The following LCP2 variants were observed in gnomAD, a reference collection of about 807,000 sequenced individuals.
LCP2 encodes lymphocyte cytosolic protein 2.
Under a neutral mutation model 74.5 loss-of-function variants are expected in LCP2, and 29 were observed. The observed-to-expected ratio is 0.39, with a 90% CI of 0.29 to 0.53. LCP2 has a LOEUF of 0.53. Among genes scored for constraint, LCP2 ranks in the 20% least tolerant of loss-of-function variants. The pLI is 0.72. For missense variants in LCP2, 604 were observed against 634.6 expected (o/e 0.95, Z 0.52); for synonymous variants, 228 against 229.5 (o/e 0.99, Z 0.06).
rs1290713108 is a variant in LCP2, at chr5:170,289,732, CCT to C, written c.142-1718_142-1717del. 6.1e-5 allele frequency among the ~76,000 whole-genome samples: 8 copies of C among 131,456 alleles called. No homozygotes were observed. The East Asian group carries it at 1.8e-3, about 29-fold the overall frequency. The allele number at this position is 131,456 out of a possible 152,430, so 86.2% of individuals were successfully genotyped here. A position where few individuals can be genotyped will look rare whatever the true frequency, so the allele number is the denominator to read the frequency against. On this transcript the variant is annotated intron_variant, in intron 2 of 20. Transcript: ENST00000046794. ...TTCTTTCTTTCCTTTCCTTTCCTTT[CCT>C]GTCTTTTCTTTTCTTTTCTTTCTCT...
intron 1 of LCP2, among the ~76,000 whole-genome samples, chr5:170,295,067 G>C (rs1762350384): frequency 6.6e-6 from 1 of 152,138 alleles, no homozygotes; most frequent in Non-Finnish European, 1.5e-5. Flanking sequence ...AAAGAGGCTG[G>C]TCTAAGGTCA....
At chr5:170,250,612 CAT>C (rs1761413954) in intron 20 of LCP2, 116 bp downstream of exon 20, 2 of 773,364 alleles carry the variant, frequency 2.6e-6, no homozygotes, top group Non-Finnish European at 4.5e-6. Flanking sequence ...GGGCTTCACT[CAT>C]GTGATTTAAT....
chr5:170,268,793 A>G (rs1761824987), intron 7 of LCP2, among the ~76,000 whole-genome samples: 1 of 108,070 alleles, frequency 9.3e-6, no homozygotes, highest in African/African-American at 3.5e-5. Flanking sequence ...CAGAACTGGA[A>G]GGGAGGATTT....
chr5:170,264,225 C>T (rs1761709186), intron 10 of LCP2, among the ~76,000 whole-genome samples: 2 of 152,222 alleles, frequency 1.3e-5, no homozygotes, highest in African/African-American at 4.8e-5. Flanking sequence ...GTTCTTCAGA[C>T]ATACTGAAGA....
At chr5:170,259,937 A>G (rs1761622687) in intron 14 of LCP2, among the ~76,000 whole-genome samples, 1 of 152,216 alleles carries the variant, frequency 6.6e-6, no homozygotes, top group Non-Finnish European at 1.5e-5. Context: ...TTCCAGAGAC[A>G]GGGAACCTGG....
intron 17 of LCP2, among the ~76,000 whole-genome samples, chr5:170,253,912 T>C (rs1352349797): frequency 6.6e-6 from 1 of 152,208 alleles, no homozygotes; most frequent in Non-Finnish European, 1.5e-5. Context: ...TAGGAGAATG[T>C]TTCCTAATCT....
At chr5:170,258,792 A>G in intron 15 of LCP2, 74 bp downstream of exon 15, 1 of 1,094,912 alleles carries the variant, frequency 9.1e-7, no homozygotes, top group Non-Finnish European at 1.4e-6. Flanking sequence ...TGTACTAAAC[A>G]ATTCCACTTG....
chr5:170,261,389 A>G (rs1282234114), intron 13 of LCP2, among the ~76,000 whole-genome samples: 4 of 146,362 alleles, frequency 2.7e-5, no homozygotes, highest in East Asian at 2.0e-4. Context: ...GCAAATAATT[A>G]TGTGTGTGTG....
intron 6 of LCP2, among the ~76,000 whole-genome samples, chr5:170,272,111 AG>A (rs1761906394): frequency 1.3e-5 from 2 of 152,170 alleles, no homozygotes; most frequent in African/African-American, 2.4e-5. Context: ...GGAGGTCCGC[AG>A]GCACGTGGCC....
At chr5:170,288,737 G>A (rs749884325) in intron 2 of LCP2, among the ~76,000 whole-genome samples, 20 of 152,196 alleles carry the variant, frequency 1.3e-4, no homozygotes, top group Admixed American at 8.5e-4. Flanking sequence ...TGTGGGGGAT[G>A]AGCTGGGGCT....
In LCP2 at chr5:170,288,091, C is replaced by T. The variant is rs114293493; in HGVS notation, c.142-75G>A. On this transcript the variant is annotated intron_variant, in intron 2 of 20. Coordinates refer to ENST00000046794, the MANE Select transcript of LCP2 (RefSeq NM_005565.5). The stretch of plus-strand genomic sequence containing the variant: ...TCTGAGCAGGAGGGGAAGAGTGATA[C>T]GTGAAACAATATAGGGAGTGGTGGG... The T allele has an allele frequency of 2.7e-3, 3,902 of 1,455,130 alleles. 85 individuals are homozygous for T. The African/African-American group carries it at 0.047, about 18-fold the overall frequency. 90.1% of individuals were successfully genotyped at this position (1,455,130 alleles called of 1,614,324 possible).
intron 2 of LCP2, among the ~76,000 whole-genome samples, chr5:170,290,990 A>G (rs10700864): frequency 7.7e-4 from 55 of 71,380 alleles, no homozygotes; most frequent in Middle Eastern, 8.2e-3. Context: ...GAAAGAAAGA[A>G]AGAAAGAAAG....
At chr5:170,292,399 T>C (rs1762308549) in intron 2 of LCP2, among the ~76,000 whole-genome samples, 1 of 151,934 alleles carries the variant, frequency 6.6e-6, no homozygotes, top group Non-Finnish European at 1.5e-5. Context: ...CAAGAAGATG[T>C]TGGTAGCAGA....
At chr5:170,293,461 T>C in intron 1 of LCP2, 89 bp from the exon 2 acceptor site, 1 of 1,288,464 alleles carries the variant, frequency 7.8e-7, no homozygotes, top group Non-Finnish European at 1.1e-6. Flanking sequence ...ACTTAGCACT[T>C]TGCGGTACTT....
chr5:170,281,287 C>T (rs895110038), intron 3 of LCP2, among the ~76,000 whole-genome samples: 1 of 149,168 alleles, frequency 6.7e-6, no homozygotes, highest in Non-Finnish European at 1.5e-5. Flanking sequence ...GGCCATATTT[C>T]TTTTTTTTTT....
chr5:170,263,034 T>C lies in LCP2; in HGVS notation c.773-42A>G, dbSNP rs1352501822. 3 of 1,608,522 alleles carry C rather than the reference T, an allele frequency of 1.9e-6. No homozygotes were observed. The African/African-American group carries it at 4.0e-5, about 21-fold the overall frequency. On this transcript the variant is annotated intron_variant, in intron 10 of 20. Transcript: ENST00000046794. The stretch of plus-strand genomic sequence containing the variant: ...GCAGATGGGCCATGAGTTCAGAACT[T>C]CATAAGCATGAGGTTTAAAAACACA...
intron 6 of LCP2, among the ~76,000 whole-genome samples, chr5:170,272,114 C>T (rs1761906478): frequency 6.6e-6 from 1 of 152,194 alleles, no homozygotes; most frequent in South Asian, 2.1e-4. Flanking sequence ...GGTCCGCAGG[C>T]ACGTGGCCTC....
rs77648858 is a variant in LCP2 at position 170,286,609 on chromosome 5, A to G, written c.188+1361T>C. Among the ~76,000 whole-genome samples the G allele has an allele frequency of 8.7e-3, 1,322 of 152,354 alleles. 20 individuals carry two copies. The highest frequency in any genetic ancestry group is 0.031 in the African/African-American group (1,272 of 41,572). ...AAATTTAATTCAAATTGAAGTAGCC[A>G]CATGTGGTTAGAGGATATCCTTAGA... is the stretch of plus-strand genomic sequence containing the variant. On this transcript the variant is annotated intron_variant, in intron 3 of 20. Transcript: ENST00000046794.
intron 13 of LCP2, 75 bp downstream of exon 13, chr5:170,262,560 A>C (rs2113166609): frequency 1.8e-6 from 2 of 1,119,942 alleles, no homozygotes; most frequent in East Asian, 5.0e-5. Context: ...CTCGGTTCCC[A>C]CTGCAGAGTC....
Sources: allele counts gnomAD v4.1 joint callset (sites outside exome capture counted in the v4.1 genomes callset), GRCh38; gene constraint gnomAD v4.1.1; transcripts MANE v1.5; gene names NCBI Gene and HGNC (gene_info 2026-07-23, HGNC 2026-07-21).